The following OPRM1 variants were observed in gnomAD, a reference collection of about 807,000 sequenced individuals.
OPRM1 encodes the protein opioid receptor mu 1.
Under a neutral mutation model 31.8 loss-of-function variants are expected in OPRM1, and 27 were observed. That is an observed-to-expected ratio of 0.85 (90% confidence interval 0.63 to 1.17). OPRM1 has a LOEUF of 1.17. OPRM1 is among the 50% of genes most tolerant of loss of function. OPRM1 has a pLI of 0.00. For synonymous variants in OPRM1, 196 were observed against 189.9 expected (o/e 1.03, Z -0.26); for missense variants, 536 against 511.1 (o/e 1.05, Z -0.47).
rs73790435 is a variant in OPRM1, at chr6:154,121,041, G to A, written c.*2320G>A. The stretch of plus-strand genomic sequence containing the variant: ...GCTAGAACCACCTTCCAATTCCAAG[G>A]CAAGGAGAGACATTACAACCCTGAC... On this transcript the variant is annotated 3_prime_UTR_variant, in exon 4 of 4. Coordinates refer to ENST00000330432, the MANE Select transcript of OPRM1 (RefSeq NM_000914.5). Among the ~76,000 whole-genome samples, 217 of 152,218 alleles carry A rather than the reference G, an allele frequency of 1.4e-3. 1 individual carries two copies. Among genetic ancestry groups the A allele is most frequent in the African/African-American group, 5.0e-3 (207 of 41,538 alleles).
At chr6:154,054,675 A>T (rs1177415360) in intron 1 of OPRM1, among the ~76,000 whole-genome samples, 1 of 152,232 alleles carries the variant, frequency 6.6e-6, no homozygotes. Flanking sequence ...GATGTTTTGA[A>T]AATTTCTCTA....
At chr6:154,050,622 G>A (rs1313505366) in intron 1 of OPRM1, among the ~76,000 whole-genome samples, 1 of 151,970 alleles carries the variant, frequency 6.6e-6, no homozygotes, top group Non-Finnish European at 1.5e-5. Flanking sequence ...GGGGGCTGAT[G>A]GGGGGCTGGG....
rs1474200692 is a variant in OPRM1, at chr6:154,214,917, C to T, written c.1165-31776C>T. Among the ~76,000 whole-genome samples, 3 of 152,224 alleles carry T rather than the reference C, an allele frequency of 2.0e-5. No homozygotes were observed. The South Asian group carries it at 6.2e-4, about 31-fold the overall frequency. On this transcript the variant is annotated intron_variant, in intron 3 of 3. Coordinates refer to the OPRM1 transcript ENST00000337049. Reference sequence around the variant, plus strand: ...GAACGAGACAGAAACTCAAACTTGGCTTATCACTGCAGACCACTGTAGTTC... The same window carrying T: ...GAACGAGACAGAAACTCAAACTTGGTTTATCACTGCAGACCACTGTAGTTC...
chr6:154,019,500 T>C lies in OPRM1; in HGVS notation c.-1+8482T>C, dbSNP rs1778217814. 1.3e-5 allele frequency among the ~76,000 whole-genome samples: 2 copies of C among 151,954 alleles called. 1 individual carries two copies. Among genetic ancestry groups the C allele is most frequent in the Admixed American group, 1.3e-4 (2 of 15,260 alleles). On this transcript the variant is annotated intron_variant, in intron 1 of 5. Coordinates refer to the OPRM1 transcript ENST00000434900. ...TAAAGACATGCATTCACCATTATAGTACCATATAGAATAGTTTCACTGCCC... is the reference window on the plus strand; with the variant it reads ...TAAAGACATGCATTCACCATTATAGCACCATATAGAATAGTTTCACTGCCC...
Position 154,117,761 on chromosome 6 carries a change from C to A in OPRM1, c.1165-922C>A, listed in dbSNP as rs568519545. Among the ~76,000 whole-genome samples the A allele has an allele frequency of 1.1e-4, 16 of 151,934 alleles. No individual in the cohort carries two copies. In the South Asian group the frequency reaches 3.3e-3, roughly 32 times the overall value. On this transcript the variant is annotated intron_variant, in intron 3 of 3. Coordinates refer to ENST00000330432, the MANE Select transcript of OPRM1 (RefSeq NM_000914.5). ...GGACACTCCTGGCCATGATGGACTGCCTCTCCCTAAAGTGAGAATGACCTA... is the reference window on the plus strand; with the variant it reads ...GGACACTCCTGGCCATGATGGACTGACTCTCCCTAAAGTGAGAATGACCTA...
At chr6:154,010,853 G>A (rs1037739095) in exon 1 of OPRM1, 15 of 1,346,050 alleles carry the variant, frequency 1.1e-5, no homozygotes, top group Non-Finnish European at 1.4e-5. Context: ...GCAGCCCCTT[G>A]TTCTTGTGGT....
chr6:154,215,263 C>A (rs974100842), intron 3 of OPRM1, among the ~76,000 whole-genome samples: 1 of 150,860 alleles, frequency 6.6e-6, no homozygotes, highest in Non-Finnish European at 1.5e-5. Context: ...CTTACGCAAC[C>A]CTCAACCTGC....
At chr6:154,098,453 A>T (rs1029907867) in intron 3 of OPRM1, among the ~76,000 whole-genome samples, 2 of 152,218 alleles carry the variant, frequency 1.3e-5, no homozygotes, top group African/African-American at 4.8e-5. Flanking sequence ...GTTTTGGAAC[A>T]TGTCAATCTT....
upstream of OPRM1, among the ~76,000 whole-genome samples, chr6:154,038,070 T>C (rs1239284312): frequency 6.6e-6 from 1 of 152,166 alleles, no homozygotes; most frequent in Non-Finnish European, 1.5e-5. Context: ...AAAATAATAG[T>C]GAACATTGGC....
intron 1 of OPRM1, among the ~76,000 whole-genome samples, chr6:154,012,168 C>T (rs1056117068): frequency 3.9e-5 from 6 of 152,130 alleles, no homozygotes; most frequent in East Asian, 3.8e-4. Context: ...TAACAAGCTA[C>T]GATTTTTAAT....
At chr6:154,237,383 G>A (rs984152701) in intron 3 of OPRM1, among the ~76,000 whole-genome samples, 1 of 152,154 alleles carries the variant, frequency 6.6e-6, no homozygotes. Context: ...CACGGGGTCG[G>A]TAGGTGTATT....
chr6:154,133,413 A>G (rs111378014), downstream of OPRM1, among the ~76,000 whole-genome samples: 950 of 152,332 alleles, frequency 6.2e-3, 11 homozygotes, highest in African/African-American at 0.022. Flanking sequence ...AACATGTCAC[A>G]ATTTATTCAC....
chr6:154,092,753 A>G (rs1393577608), intron 3 of OPRM1, among the ~76,000 whole-genome samples: 1 of 152,210 alleles, frequency 6.6e-6, no homozygotes, highest in Non-Finnish European at 1.5e-5. Context: ...GTCATGGGCG[A>G]CATTAATCCT....
At chr6:154,167,076 C>T (rs1019799274) in intron 3 of OPRM1, among the ~76,000 whole-genome samples, 13 of 152,182 alleles carry the variant, frequency 8.5e-5, no homozygotes, top group Non-Finnish European at 1.9e-4. Flanking sequence ...CTTTCAATTG[C>T]TGACATTTCT....
chr6:154,163,304 A>C (rs147891193), intron 3 of OPRM1, among the ~76,000 whole-genome samples: 240 of 152,220 alleles, frequency 1.6e-3, no homozygotes, highest in African/African-American at 5.4e-3. Flanking sequence ...TCCCGCCCCA[A>C]GGTGTTTGTG....
rs1017272095 is a variant in OPRM1 at position 154,010,801 on chromosome 6, G to T, written c.-218G>T. 8 of 1,408,506 alleles carry T rather than the reference G, an allele frequency of 5.7e-6. No homozygotes were observed. In the Middle Eastern group the frequency reaches 5.6e-4, roughly 99 times the overall value. The allele number at this position is 1,408,506 out of a possible 1,614,324, so 87.3% of individuals were successfully genotyped here. ...CAAGTGGATGTGGCAGAACTGGGCTGCTCTGAGATGATAGAAAAGGGCTCC... is the reference window on the plus strand; with the variant it reads ...CAAGTGGATGTGGCAGAACTGGGCTTCTCTGAGATGATAGAAAAGGGCTCC... On this transcript the variant is annotated 5_prime_UTR_variant, in exon 1 of 6. Transcript: ENST00000434900.
At chr6:154,102,811 C>T (rs1308758224) in intron 3 of OPRM1, among the ~76,000 whole-genome samples, 2 of 150,408 alleles carry the variant, frequency 1.3e-5, no homozygotes, top group African/African-American at 4.9e-5. Flanking sequence ...GTTTTTAAAG[C>T]AATGCTTGAG....
chr6:154,062,505 T>C (rs1239911941), intron 1 of OPRM1, among the ~76,000 whole-genome samples: 2 of 152,038 alleles, frequency 1.3e-5, no homozygotes, highest in African/African-American at 4.8e-5. Context: ...ATTTTCTCCT[T>C]ACAAATGCTA....
At position 154,171,813 on chromosome 6, in the gene OPRM1, A is replaced by G. The variant is rs551532998; in HGVS notation, c.1165-74880A>G. On this transcript the variant is annotated intron_variant, in intron 3 of 3. Coordinates refer to the OPRM1 transcript ENST00000337049. The stretch of plus-strand genomic sequence containing the variant: ...GGGGGCATTAGGATTGAAGACTTAG[A>G]GTTTTCAGTTTTAAGACACAGTAAT... Among the ~76,000 whole-genome samples the G allele has an allele frequency of 5.3e-5, 8 of 152,298 alleles. No homozygotes were observed. In the South Asian group the frequency reaches 8.3e-4, roughly 16 times the overall value.
Sources: gnomAD v4.1 joint callset for allele counts (sites outside exome capture counted in the v4.1 genomes callset) on GRCh38, gnomAD v4.1.1 for gene constraint, MANE v1.5 for transcripts, NCBI Gene and HGNC (gene_info 2026-07-23, HGNC 2026-07-21) for gene names.